ERG: variants seen among roughly 807,000 people sequenced by gnomAD.
The protein encoded by ERG is transcriptional regulator ERG.
In ERG, 9 loss-of-function variants were observed where a neutral mutation model predicts 55.3. That is an observed-to-expected ratio of 0.16 (90% CI 0.10 to 0.28). The LOEUF is 0.28. Among genes scored for constraint, ERG ranks in the 10% least tolerant of loss-of-function variants. The pLI, the probability that ERG is intolerant of heterozygous loss-of-function variation, is 1.00. For synonymous variants in ERG, 223 were observed against 237.3 expected (o/e 0.94, Z 0.55); for missense variants, 434 against 631.6 (o/e 0.69, Z 3.35).
intron 2 of ERG, among the ~76,000 whole-genome samples, chr21:38,531,777 C>T (rs985657545): frequency 1.2e-4 from 18 of 152,138 alleles, no homozygotes; most frequent in African/African-American, 4.3e-4. Flanking sequence ...CAGCATTCTG[C>T]AGAGTCAAGC....
intron 7 of ERG, 163 bp downstream of exon 7, chr21:38,392,213 G>C (rs1382778960): frequency 1.4e-6 from 1 of 718,404 alleles, no homozygotes; most frequent in African/African-American, 1.7e-5. Flanking sequence ...AATGGAGAAA[G>C]AATCACTGCA....
At chr21:38,400,016 A>G (rs1347343747) in intron 6 of ERG, 14 of 223,268 alleles carry the variant, frequency 6.3e-5, no homozygotes, top group Admixed American at 6.2e-4. Context: ...GTTCATCTAT[A>G]TATTCCCAGA....
At chr21:38,487,396 C>T (rs1333507433) in intron 1 of ERG, among the ~76,000 whole-genome samples, 1 of 152,084 alleles carries the variant, frequency 6.6e-6, no homozygotes, top group African/African-American at 2.4e-5. Flanking sequence ...TTTATTACTG[C>T]CTTTCTTTCT....
chr21:38,656,426 T>C (rs1387715920), intron 1 of ERG, among the ~76,000 whole-genome samples: 1 of 152,224 alleles, frequency 6.6e-6, no homozygotes, highest in Non-Finnish European at 1.5e-5. Flanking sequence ...TTAGTTCAGA[T>C]GGAGATTCAC....
intron 6 of ERG, among the ~76,000 whole-genome samples, chr21:38,398,304 A>G (rs895270034): frequency 6.6e-6 from 1 of 152,080 alleles, no homozygotes; most frequent in African/African-American, 2.4e-5. Context: ...CCCGAGGTGT[A>G]TAACTAGTTC....
intron 1 of ERG, among the ~76,000 whole-genome samples, chr21:38,598,167 C>T (rs1349694448): frequency 6.6e-6 from 1 of 152,192 alleles, no homozygotes; most frequent in Admixed American, 6.5e-5. Context: ...CTCTAAAAAC[C>T]ACCCATTTTC....
chr21:38,630,655 G>A (rs897076451), intron 1 of ERG, among the ~76,000 whole-genome samples: 1 of 152,238 alleles, frequency 6.6e-6, no homozygotes, highest in Admixed American at 6.5e-5. Context: ...CATTGAGGAA[G>A]AAGAGACAAA....
intron 1 of ERG, among the ~76,000 whole-genome samples, chr21:38,610,400 G>T (rs2060219113): frequency 6.6e-6 from 1 of 152,242 alleles, no homozygotes. Flanking sequence ...CACCATCCAA[G>T]AAAGTAAAGA....
At chr21:38,494,100 G>A (rs1018018269) in intron 1 of ERG, among the ~76,000 whole-genome samples, 5 of 152,198 alleles carry the variant, frequency 3.3e-5, no homozygotes, top group African/African-American at 1.2e-4. Context: ...ACCTTGCCCA[G>A]GGTCACAACA....
chr21:38,520,680 A>T (rs1430142044), intron 2 of ERG, among the ~76,000 whole-genome samples: 1 of 152,212 alleles, frequency 6.6e-6, no homozygotes, highest in Non-Finnish European at 1.5e-5. Flanking sequence ...CGGGTGACTC[A>T]TTCCAGGAGT....
intron 3 of ERG, among the ~76,000 whole-genome samples, chr21:38,419,806 G>A (rs1278141852): frequency 6.6e-6 from 1 of 151,842 alleles, no homozygotes; most frequent in Non-Finnish European, 1.5e-5. Context: ...TCAAGATCAT[G>A]AGTATCAAAA....
Position 38,383,343 on chromosome 21 carries a change from T to C in ERG, c.*60A>G, listed in dbSNP as rs1987533417. ...GGCACTTTTGATTCATGTTCTCCGA[T>C]AGAGTTTGTGGCGATGGGCTGGTGA... On this transcript the variant is annotated 3_prime_UTR_variant, in exon 10 of 10. Coordinates refer to ENST00000288319, the MANE Select transcript of ERG (RefSeq NM_182918.4). This position sits in a 1 kb window ranked among gnomAD's most constrained non-coding sequence, Gnocchi z 5.7. 3.5e-6 allele frequency: 5 copies of C among 1,416,182 alleles called. No homozygotes were observed. The highest frequency in any genetic ancestry group is 3.7e-6 in the Non-Finnish European group (4 of 1,079,968). The allele number at this position is 1,416,182 out of a possible 1,614,324, so 87.7% of individuals were successfully genotyped here.
At chr21:38,479,640 T>C (rs1281236341) in intron 1 of ERG, among the ~76,000 whole-genome samples, 1 of 152,094 alleles carries the variant, frequency 6.6e-6, no homozygotes. Context: ...GGGGACACAC[T>C]ACAAGACCCC....
chr21:38,519,317 C>G (rs2146744190), intron 2 of ERG, among the ~76,000 whole-genome samples: 1 of 152,278 alleles, frequency 6.6e-6, no homozygotes, highest in South Asian at 2.1e-4. Context: ...GTGAGGAAGT[C>G]CCCCAGGCTA....
rs143851662 is a variant in ERG at position 38,650,706 on chromosome 21, C to T, written c.-150+10952G>A. ...TAGAAGGTTACTCAATGACGCATCA[C>T]GTATAGTACACATATAGCACACTGA... On this transcript the variant is annotated intron_variant, in intron 1 of 10. Transcript: ENST00000398910. 2.8e-4 allele frequency among the ~76,000 whole-genome samples: 42 copies of T among 152,212 alleles called. 1 individual carries two copies. The highest frequency in any genetic ancestry group is 3.4e-3 in the Middle Eastern group (1 of 294).
At chr21:38,413,150 C>T (rs2146479495) in intron 3 of ERG, among the ~76,000 whole-genome samples, 1 of 152,300 alleles carries the variant, frequency 6.6e-6, no homozygotes, top group Middle Eastern at 3.4e-3. Flanking sequence ...CCTAGGACAA[C>T]CAGGTGTCAA....
intron 2 of ERG, among the ~76,000 whole-genome samples, chr21:38,545,643 T>G (rs2059783289): frequency 6.6e-6 from 1 of 152,250 alleles, no homozygotes. Context: ...ATTGAGTCAG[T>G]ACGGTGCTAC....
chr21:38,613,748 G>A (rs1307516825), intron 1 of ERG, among the ~76,000 whole-genome samples: 4 of 152,188 alleles, frequency 2.6e-5, no homozygotes, highest in East Asian at 1.9e-4. Flanking sequence ...TCCTCATCAC[G>A]ATGGGTAAAG....
At chr21:38,484,596 A>G (rs561912667) in intron 1 of ERG, among the ~76,000 whole-genome samples, 1 of 152,386 alleles carries the variant, frequency 6.6e-6, no homozygotes, top group South Asian at 2.1e-4. Context: ...ATGTCAGTTG[A>G]GCCACCAAAT....
Sources: gnomAD v4.1 joint callset for allele counts (sites outside exome capture counted in the v4.1 genomes callset) on GRCh38, gnomAD v4.1.1 for gene constraint, Gnocchi (gnomAD v3.1) non-coding constraint, MANE v1.5 for transcripts, NCBI Gene and HGNC (gene_info 2026-07-23, HGNC 2026-07-21) for gene names.